Variants in TKTL1 observed in about 807,000 individuals in gnomAD.
TKTL1 encodes the protein transketolase-like protein 1.
In TKTL1, 1 loss-of-function variant was observed where a neutral mutation model predicts 39.3. The observed-to-expected ratio is 0.03, with a 90% CI of 0.01 to 0.12. TKTL1 has a LOEUF of 0.12. Ranked by LOEUF, TKTL1 falls within the 10% of genes least tolerant of loss-of-function variation. The probability of loss-of-function intolerance (pLI) is 1.00; values close to 1 mark genes in which losing one functional copy is unlikely to be tolerated. For synonymous variants in TKTL1, 262 were observed against 193.8 expected (o/e 1.35, Z -2.92); for missense variants, 575 against 509.6 (o/e 1.13, Z -1.24).
chrX:154,310,947 T>C lies in TKTL1; in HGVS notation c.462T>C (p.Asp154=), dbSNP rs781896350. 1.6e-6 allele frequency: 2 copies of C among 1,212,135 alleles called. No individual in the cohort carries two copies. The highest frequency in any genetic ancestry group is 3.5e-5 in the South Asian group (2 of 57,032). The change falls in exon 4 of 13, where the codon GAT becomes GAC. Residue 154 remains aspartate (D), a synonymous_variant. Coordinates refer to ENST00000369915, the MANE Select transcript of TKTL1 (RefSeq NM_012253.4). The part of the protein sequence containing the change: ...YSLDNLVAIF[D]VNRLGHSGAL... ...TGGACAATCTTGTGGCAATCTTTGATGTGAACCGCCTGGGACACAGTGGTG... is the reference window on the plus strand; with the variant it reads ...TGGACAATCTTGTGGCAATCTTTGACGTGAACCGCCTGGGACACAGTGGTG...
intron 1 of TKTL1, 113 bp downstream of exon 1, chrX:154,296,106 C>T: frequency 2.0e-6 from 2 of 1,011,528 alleles, no homozygotes; most frequent in Non-Finnish European, 2.7e-6. Flanking sequence ...GCACAATGGG[C>T]TGTGTCGTAA....
At chrX:154,296,684 T>TGGAAG (rs2067231999) in intron 1 of TKTL1, among the ~76,000 whole-genome samples, 1 of 111,241 alleles carries the variant, frequency 9.0e-6, no homozygotes. Context: ...AGTGTAATGC[T>TGGAAG]GGCTTCATAG....
At chrX:154,296,267 C>T (rs782537646) in intron 1 of TKTL1, among the ~76,000 whole-genome samples, 3 of 111,299 alleles carry the variant, frequency 2.7e-5, no homozygotes, top group South Asian at 3.8e-4. Flanking sequence ...TTCTGGAGGT[C>T]GCCAAGATCT....
intron 7 of TKTL1, among the ~76,000 whole-genome samples, chrX:154,318,572 G>A (rs1477287190): frequency 9.2e-6 from 1 of 108,504 alleles, no homozygotes; most frequent in Non-Finnish European, 1.9e-5. Flanking sequence ...GCCGGGCGTG[G>A]TGGTGGGTGC....
At chrX:154,297,615 T>C (rs1430876850) in intron 1 of TKTL1, among the ~76,000 whole-genome samples, 1 of 111,676 alleles carries the variant, frequency 9.0e-6, no homozygotes, top group East Asian at 2.8e-4. Context: ...GCTGGCTTCA[T>C]AGGATGAGTT....
chrX:154,299,472 A>G (rs1469372277), intron 1 of TKTL1, among the ~76,000 whole-genome samples: 2 of 110,203 alleles, frequency 1.8e-5, no homozygotes, highest in East Asian at 2.8e-4. Context: ...TTCTTTTTTT[A>G]ATTTTAATAG....
intron 4 of TKTL1, 36 bp from the exon 5 acceptor site, chrX:154,311,075 C>T (rs1557168240): frequency 8.3e-7 from 1 of 1,211,013 alleles, no homozygotes; most frequent in Middle Eastern, 2.3e-4. Context: ...CTGCCCCCTT[C>T]ATCTCTTGTA....
chrX:154,315,013 A>G (rs1274400207), intron 6 of TKTL1, among the ~76,000 whole-genome samples, 160 bp from the exon 7 acceptor site: 11 of 111,579 alleles, frequency 9.9e-5, no homozygotes, highest in Admixed American at 2.9e-4. Flanking sequence ...CTAGCAGTCC[A>G]TGTTTATGAC....
At position 154,312,688 on chromosome X, in the gene TKTL1, C is replaced by T. The variant is rs782597025; in HGVS notation, c.779C>T (p.Pro260Leu). 1 of 1,211,442 alleles carries T rather than the reference C, an allele frequency of 8.3e-7. No individual in the cohort carries two copies. Among genetic ancestry groups the T allele is most frequent in the Non-Finnish European group, 1.1e-6 (1 of 895,308 alleles). Residue 260 changes from proline (P) to leucine (L), a missense_variant, in exon 6 of 13, where the codon CCA becomes CTA. Pro to Leu is a moderately conservative substitution (Grantham distance 98). Transcript: ENST00000369915. ...ATACAGACCAGCAGGAATCTTGACCCACAGCCCCCCATTGAGGACTCACCT... is the reference window on the plus strand; with the variant it reads ...ATACAGACCAGCAGGAATCTTGACCTACAGCCCCCCATTGAGGACTCACCT... ...SQIQTSRNLD[P>L]QPPIEDSPEV...
intron 12 of TKTL1, 135 bp from the exon 13 acceptor site, chrX:154,329,381 A>G (rs2067519319): frequency 3.2e-6 from 2 of 615,697 alleles, no homozygotes; most frequent in Admixed American, 3.0e-5. Flanking sequence ...AGAACTCCGC[A>G]GGCCCATCGG....
rs781827922 is a variant in TKTL1 at position 154,308,819 on chromosome X, G to A, written c.253-526G>A. ...TTCTAGCGTGGGCACTTCTAGATGAGCACGTGTAAGATCTCAGTTGACCTG... is the reference window on the plus strand; with the variant it reads ...TTCTAGCGTGGGCACTTCTAGATGAACACGTGTAAGATCTCAGTTGACCTG... On this transcript the variant is annotated intron_variant, in intron 2 of 12. Coordinates refer to ENST00000369915, the MANE Select transcript of TKTL1 (RefSeq NM_012253.4). 3.6e-5 allele frequency among the ~76,000 whole-genome samples: 4 copies of A among 110,355 alleles called. No homozygotes were observed. In the East Asian group the frequency reaches 1.1e-3, roughly 32 times the overall value.
chrX:154,324,232 C>T (rs189126666), intron 9 of TKTL1, among the ~76,000 whole-genome samples: 1,873 of 111,276 alleles, frequency 0.017, 36 homozygotes, highest in African/African-American at 0.058. Context: ...CTGCAGCCTC[C>T]GCCTCCCAGA....
At chrX:154,318,968 A>AT (rs2067427278) in intron 7 of TKTL1, among the ~76,000 whole-genome samples, 2 of 111,539 alleles carry the variant, frequency 1.8e-5, no homozygotes, top group Admixed American at 9.6e-5. Context: ...AAAAATTATA[A>AT]TATAGGCTTC....
intron 1 of TKTL1, among the ~76,000 whole-genome samples, chrX:154,297,542 C>T (rs1488031030): frequency 8.9e-6 from 1 of 111,932 alleles, no homozygotes; most frequent in Admixed American, 9.4e-5. Flanking sequence ...AGGCGTGAGC[C>T]ACCGCGCCTG....
At position 154,305,409 on chromosome X, in the gene TKTL1, T is replaced by C; in HGVS notation, c.240T>C (p.Phe80=). The C allele has an allele frequency of 8.3e-7, 1 of 1,209,502 alleles. No individual in the cohort carries two copies. The highest frequency in any genetic ancestry group is 1.1e-6 in the Non-Finnish European group (1 of 893,971). ...SDPENPDNDR[F]VLAKRLSFVD... ...CAGAGAATCCGGACAACGACCGATTTGTCCTCGCAAAGGTATGCCGGTGGG... is the reference window on the plus strand; with the variant it reads ...CAGAGAATCCGGACAACGACCGATTCGTCCTCGCAAAGGTATGCCGGTGGG... Residue 80 remains phenylalanine (F), a synonymous_variant, in exon 2 of 13, where the codon TTT becomes TTC. Transcript: ENST00000369915.
At chrX:154,326,701 G>A (rs1341576642) in intron 10 of TKTL1, among the ~76,000 whole-genome samples, 1 of 112,739 alleles carries the variant, frequency 8.9e-6, no homozygotes, top group Non-Finnish European at 1.9e-5. Flanking sequence ...CATTCACATG[G>A]TTTGCAGAGC....
At chrX:154,326,742 A>G (rs1489378084) in intron 10 of TKTL1, among the ~76,000 whole-genome samples, 1 of 112,636 alleles carries the variant, frequency 8.9e-6, no homozygotes, top group African/African-American at 3.2e-5. Flanking sequence ...TTTTCTAATA[A>G]TTTTCCTGTC....
intron 1 of TKTL1, among the ~76,000 whole-genome samples, chrX:154,303,498 C>A (rs1454277990): frequency 9.9e-6 from 1 of 100,832 alleles, no homozygotes; most frequent in Non-Finnish European, 2.0e-5. Flanking sequence ...CCAGAAGAGC[C>A]GGGATTACAG....
chrX:154,310,640 C>T (rs2067349523), intron 3 of TKTL1, among the ~76,000 whole-genome samples, 196 bp from the exon 4 acceptor site: 1 of 112,076 alleles, frequency 8.9e-6, no homozygotes, highest in African/African-American at 3.2e-5. Flanking sequence ...GTAAAGCCTG[C>T]TTGTGAGCCC....
Sources: gnomAD v4.1 joint callset for allele counts (sites outside exome capture counted in the v4.1 genomes callset) on GRCh38, gnomAD v4.1.1 for gene constraint, MANE v1.5 for transcripts, NCBI Gene and HGNC (gene_info 2026-07-23, HGNC 2026-07-21) for gene names.